The following NRG1 variants were observed in gnomAD, a reference collection of about 807,000 sequenced individuals.
NRG1 encodes the protein pro-neuregulin-1, membrane-bound isoform.
In NRG1, 18 loss-of-function variants were observed where a neutral mutation model predicts 63.8. The ratio of observed to expected loss-of-function variants is 0.28; its 90% CI spans 0.19 to 0.42. The LOEUF is 0.42. Ranked by LOEUF, NRG1 falls within the 10% of genes least tolerant of loss-of-function variation. The probability of loss-of-function intolerance (pLI) is 1.00; values close to 1 mark genes in which losing one functional copy is unlikely to be tolerated. For missense variants in NRG1, 762 were observed against 814.7 expected, an observed-to-expected ratio of 0.94 and a Z score of 0.79; for synonymous variants, 302 against 301.3, an observed-to-expected ratio of 1.00 and a Z score of -0.02.
chr8:32,737,240 A>G (rs1420380216), intron 6 of NRG1, among the ~76,000 whole-genome samples: 2 of 152,272 alleles, frequency 1.3e-5, no homozygotes, highest in East Asian at 3.9e-4. Context: ...TGAGAAGGAT[A>G]CTGGGAATTT....
At position 31,899,787 on chromosome 8, in the gene NRG1, T is replaced by A. The variant is rs1313774637; in HGVS notation, c.37+260356T>A. On this transcript the variant is annotated intron_variant, in intron 1 of 10. Coordinates refer to the NRG1 transcript ENST00000519301. ...ACACATACACACACTCAATAAAATG[T>A]GTTGTTTTAAAATTATTACCCTAAG... Among the ~76,000 whole-genome samples, 7 of 152,158 alleles carry A rather than the reference T, an allele frequency of 4.6e-5. No individual in the cohort carries two copies. In the East Asian group the frequency reaches 1.3e-3, roughly 29 times the overall value.
intron 1 of NRG1, among the ~76,000 whole-genome samples, chr8:32,251,750 C>T (rs1349211101): frequency 3.9e-5 from 6 of 152,198 alleles, no homozygotes; most frequent in East Asian, 1.9e-4. Flanking sequence ...CCATTCAAAC[C>T]GGCGTGAGAT....
At chr8:32,743,318 C>A in intron 7 of NRG1, 1 of 703,368 alleles carries the variant, frequency 1.4e-6, no homozygotes, top group Non-Finnish European at 1.7e-6. Context: ...AAACATTTCA[C>A]AGCAAATGAG....
At chr8:32,033,686 A>G (rs944390859) in intron 1 of NRG1, among the ~76,000 whole-genome samples, 2 of 152,042 alleles carry the variant, frequency 1.3e-5, no homozygotes, top group African/African-American at 4.8e-5. Context: ...CTGTATTCCT[A>G]GATATTTTAT....
intron 1 of NRG1, among the ~76,000 whole-genome samples, chr8:32,374,880 C>A (rs1464684084): frequency 6.6e-6 from 1 of 152,076 alleles, no homozygotes; most frequent in Non-Finnish European, 1.5e-5. Flanking sequence ...GGGTTGTAAC[C>A]ACCCCAAGTC....
chr8:31,810,111 T>C (rs756040954), intron 1 of NRG1, among the ~76,000 whole-genome samples: 45 of 152,134 alleles, frequency 3.0e-4, no homozygotes, highest in Non-Finnish European at 5.6e-4. Flanking sequence ...CTACATCCAA[T>C]GTATGAACTT....
At chr8:31,969,496 G>A (rs1806926400) in intron 1 of NRG1, among the ~76,000 whole-genome samples, 2 of 152,058 alleles carry the variant, frequency 1.3e-5, no homozygotes, top group Admixed American at 6.6e-5. Context: ...ATCTCAGAAG[G>A]GGCCCTGCCT....
At chr8:32,767,152 GT>G (rs1831491527) in exon 12 of NRG1, 1 of 152,166 alleles carries the variant, frequency 6.6e-6, no homozygotes, top group Non-Finnish European at 1.5e-5. Flanking sequence ...CCTGCCTAGT[GT>G]GACTTTTGCC....
intron 1 of NRG1, among the ~76,000 whole-genome samples, chr8:31,836,596 A>G (rs922428476): frequency 2.0e-5 from 3 of 152,112 alleles, no homozygotes; most frequent in Admixed American, 1.3e-4. Flanking sequence ...TTATATGTGG[A>G]GATCTTTTGA....
At chr8:32,494,275 A>C (rs1826939372) in intron 1 of NRG1, among the ~76,000 whole-genome samples, 1 of 152,228 alleles carries the variant, frequency 6.6e-6, no homozygotes, top group Non-Finnish European at 1.5e-5. Flanking sequence ...TAAATAACCC[A>C]TAGTTGCCCC....
chr8:32,347,744 C>T (rs143299580), intron 1 of NRG1, among the ~76,000 whole-genome samples: 107 of 152,180 alleles, frequency 7.0e-4, no homozygotes, highest in African/African-American at 2.5e-3. Flanking sequence ...TTAAATAAAT[C>T]GAGAAGGGTT....
intron 1 of NRG1, among the ~76,000 whole-genome samples, chr8:32,019,538 G>T (rs1816111560): frequency 6.6e-6 from 1 of 151,992 alleles, no homozygotes; most frequent in African/African-American, 2.4e-5. Context: ...TTCTTTATTT[G>T]GATAGAGCCC....
At chr8:32,111,476 T>G (rs900108206) in intron 1 of NRG1, among the ~76,000 whole-genome samples, 2 of 152,174 alleles carry the variant, frequency 1.3e-5, no homozygotes, top group African/African-American at 4.8e-5. Flanking sequence ...CTCTCTGGTC[T>G]GTGTTGTCAG....
At chr8:31,708,378 G>A (rs1473838312) in intron 1 of NRG1, among the ~76,000 whole-genome samples, 1 of 151,954 alleles carries the variant, frequency 6.6e-6, no homozygotes, top group Non-Finnish European at 1.5e-5. Context: ...GAATCACTTC[G>A]TGGAACAGAC....
chr8:32,646,082 A>G (rs528614024), intron 5 of NRG1, among the ~76,000 whole-genome samples: 52 of 152,286 alleles, frequency 3.4e-4, no homozygotes, highest in Non-Finnish European at 6.2e-4. Flanking sequence ...CTAATCTAAA[A>G]ATGAAGTGGT....
At chr8:32,716,192 G>A (rs569458235) in intron 5 of NRG1, among the ~76,000 whole-genome samples, 57 of 152,296 alleles carry the variant, frequency 3.7e-4, no homozygotes, top group African/African-American at 9.9e-4. Context: ...ACCTATTTGA[G>A]CTGAACTAGA....
chr8:32,769,775 G>C (rs573960600), downstream of NRG1, among the ~76,000 whole-genome samples: 2 of 152,168 alleles, frequency 1.3e-5, no homozygotes, highest in African/African-American at 2.4e-5. Flanking sequence ...TTTAAGGTTG[G>C]TGTTGAATAG....
chr8:31,934,978 G>T (rs1174330037), intron 1 of NRG1, among the ~76,000 whole-genome samples: 1 of 152,072 alleles, frequency 6.6e-6, no homozygotes, highest in Admixed American at 6.6e-5. Flanking sequence ...TCAGGGTATT[G>T]CTCTGTCACC....
chr8:32,367,406 C>G (rs987663047), intron 1 of NRG1, among the ~76,000 whole-genome samples: 8 of 147,296 alleles, frequency 5.4e-5, no homozygotes, highest in African/African-American at 2.0e-4. Context: ...TGGTGTTGAA[C>G]TTTTTTTTTT....
Sources: gnomAD v4.1 joint callset for allele counts (sites outside exome capture counted in the v4.1 genomes callset) on GRCh38, gnomAD v4.1.1 for gene constraint, MANE v1.5 for transcripts, NCBI Gene and HGNC (gene_info 2026-07-23, HGNC 2026-07-21) for gene names.